Variants in TTC34 observed in about 807,000 individuals in gnomAD.
The protein encoded by TTC34 is tetratricopeptide repeat domain 34.
Under a neutral mutation model 40.7 loss-of-function variants are expected in TTC34, and 44 were observed. That is an observed-to-expected ratio of 1.08 (90% CI 0.85 to 1.39). The LOEUF is 1.39. Among genes scored for constraint, TTC34 ranks in the 40% most tolerant of loss-of-function variants. TTC34 has a pLI of 0.00. For synonymous variants in TTC34, 422 were observed against 398.6 expected (o/e 1.06, Z -0.70); for missense variants, 884 against 838.0 (o/e 1.05, Z -0.68).
At chr1:2,799,695 G>A (rs1292625201) in intron 2 of TTC34, among the ~76,000 whole-genome samples, 1 of 152,018 alleles carries the variant, frequency 6.6e-6, no homozygotes, top group Non-Finnish European at 1.5e-5. Context: ...TCCGACAGTC[G>A]CCCTGGCCCC....
At chr1:2,685,322 C>A (rs577623748) in intron 6 of TTC34, among the ~76,000 whole-genome samples, 1 of 128,768 alleles carries the variant, frequency 7.8e-6, no homozygotes, top group South Asian at 2.5e-4. Context: ...CACACACCCA[C>A]AAGCGAGCAT....
chr1:2,674,763 C>G (rs1570786584), intron 6 of TTC34, among the ~76,000 whole-genome samples: 1 of 86,934 alleles, frequency 1.2e-5, no homozygotes, highest in Non-Finnish European at 2.6e-5. Flanking sequence ...AACCACACTC[C>G]CAGGCGAGCA....
intron 6 of TTC34, among the ~76,000 whole-genome samples, chr1:2,753,499 C>T (rs1641395998): frequency 9.7e-6 from 1 of 102,742 alleles, no homozygotes; most frequent in Non-Finnish European, 1.8e-5. Flanking sequence ...ACCCACACCC[C>T]CAGGCGAGCA....
At chr1:2,750,558 C>A (rs1641282067) in intron 6 of TTC34, among the ~76,000 whole-genome samples, 1 of 152,120 alleles carries the variant, frequency 6.6e-6, no homozygotes, top group Non-Finnish European at 1.5e-5. Context: ...TGGGGCAGCA[C>A]CCACACCCCC....
chr1:2,773,730 A>G (rs1457989556), intron 6 of TTC34: 2 of 112,152 alleles, frequency 1.8e-5, no homozygotes, highest in African/African-American at 3.9e-5. Context: ...CTGGAACAGC[A>G]TCTACAGCCC....
intron 8 of TTC34, among the ~76,000 whole-genome samples, chr1:2,643,233 G>C (rs1638949645): frequency 6.6e-6 from 1 of 152,234 alleles, no homozygotes; most frequent in African/African-American, 2.4e-5. Context: ...CGCCTGCCGA[G>C]GGGCGGGGCG....
intron 6 of TTC34, among the ~76,000 whole-genome samples, chr1:2,691,582 T>A (rs1343836006): frequency 9.8e-5 from 6 of 61,482 alleles, no homozygotes; most frequent in South Asian, 1.0e-3. Context: ...AGCACCCACA[T>A]GCCCAGGTGA....
Position 2,751,348 on chromosome 1 carries a change from C to T in TTC34, c.2226+32261G>A, listed in dbSNP as rs1232649816. 2.0e-3 allele frequency among the ~76,000 whole-genome samples: 296 copies of T among 146,824 alleles called. 28 individuals carry two copies. Among genetic ancestry groups the T allele is most frequent in the African/African-American group, 7.3e-3 (284 of 38,826 alleles). ...ACACCCCCAGGCGAGCATCTGACAG[C>T]CTGGGTCGGCACCCACACCCCCAGG... On this transcript the variant is annotated intron_variant, in intron 6 of 8. Coordinates refer to ENST00000401095, the Ensembl canonical transcript of TTC34.
chr1:2,772,938 C>G (rs1642491932), intron 6 of TTC34, among the ~76,000 whole-genome samples: 1 of 141,018 alleles, frequency 7.1e-6, no homozygotes, highest in African/African-American at 2.5e-5. Context: ...GCACCCATAC[C>G]CCCAGGCGAG....
rs1350755308 is a variant in TTC34, at chr1:2,772,882, G to C, written c.2226+10727C>G. ...CCCTAGATGAGCATCTGACAGCCTG[G>C]AGCAGAACCCCACACCCCCAGGTGA... On this transcript the variant is annotated intron_variant, in intron 6 of 8. Transcript: ENST00000401095. Among the ~76,000 whole-genome samples the C allele has an allele frequency of 5.7e-5, 6 of 105,416 alleles. No homozygotes were observed. The Admixed American group carries it at 5.7e-4, about 10-fold the overall frequency. The allele number at this position is 105,416 out of a possible 152,430, so 69.2% of individuals were successfully genotyped here. A position where few individuals can be genotyped will look rare whatever the true frequency, so the allele number is the denominator to read the frequency against.
chr1:2,651,430 C>T (rs763621118), intron 6 of TTC34, among the ~76,000 whole-genome samples: 10 of 151,928 alleles, frequency 6.6e-5, no homozygotes, highest in Non-Finnish European at 1.5e-4. Context: ...GAAACACAAC[C>T]CCACACACGC....
At chr1:2,791,401 A>C (rs945321961) in intron 2 of TTC34, among the ~76,000 whole-genome samples, 2 of 152,172 alleles carry the variant, frequency 1.3e-5, no homozygotes, top group Non-Finnish European at 1.5e-5. Context: ...CTCCTTCAGA[A>C]TTTTCAAACA....
exon 9 of TTC34, chr1:2,641,634 C>G: frequency 6.5e-7 from 1 of 1,535,116 alleles, no homozygotes; most frequent in Non-Finnish European, 8.7e-7. Flanking sequence ...GCCGCCTCAT[C>G]CCCCAGGCTC....
intron 6 of TTC34, among the ~76,000 whole-genome samples, chr1:2,657,463 C>A (rs1639390747): frequency 1.1e-5 from 1 of 90,898 alleles, no homozygotes; most frequent in Non-Finnish European, 2.8e-5. Context: ...ACCCACGCCC[C>A]CAGGCGAGCA....
At chr1:2,768,638 C>G (rs1211920224) in intron 6 of TTC34, among the ~76,000 whole-genome samples, 1 of 151,878 alleles carries the variant, frequency 6.6e-6, no homozygotes, top group East Asian at 1.9e-4. Flanking sequence ...GAGCATCCGA[C>G]AGCCTGGAAC....
chr1:2,648,162 T>A (rs1639057063), intron 6 of TTC34, among the ~76,000 whole-genome samples: 1 of 144,480 alleles, frequency 6.9e-6, no homozygotes, highest in Non-Finnish European at 1.5e-5. Flanking sequence ...ATGAAGTACT[T>A]CTTCTCTTAT....
chr1:2,644,130 C>T lies in TTC34; in HGVS notation c.2712+134G>A, dbSNP rs140855582. ...TGGGCCAGAAGTGGGTGCCTCCCAC[C>T]CCACCCCAAACCTAACTGAAATCAA... On this transcript the variant is annotated intron_variant, in intron 8 of 8. Transcript: ENST00000401095. 2,238 of 974,762 alleles carry T rather than the reference C, an allele frequency of 2.3e-3. 50 individuals carry two copies. In the African/African-American group the frequency reaches 0.033, roughly 14 times the overall value. The allele number at this position is 974,762 out of a possible 1,614,324, so 60.4% of individuals were successfully genotyped here.
At chr1:2,767,909 C>T (rs1240064543) in intron 6 of TTC34, among the ~76,000 whole-genome samples, 2 of 149,672 alleles carry the variant, frequency 1.3e-5, no homozygotes, top group African/African-American at 2.5e-5. Flanking sequence ...CATCTGACAA[C>T]CAGAACCTGC....
intron 5 of TTC34, among the ~76,000 whole-genome samples, chr1:2,785,486 G>C (rs1001721284): frequency 2.0e-5 from 3 of 152,164 alleles, no homozygotes; most frequent in Non-Finnish European, 4.4e-5. Flanking sequence ...GAGGGGAGCA[G>C]GGACCTCGCC....
Sources: gnomAD v4.1 joint callset for allele counts (sites outside exome capture counted in the v4.1 genomes callset) on GRCh38, gnomAD v4.1.1 for gene constraint, MANE v1.5 for transcripts, NCBI Gene and HGNC (gene_info 2026-07-23, HGNC 2026-07-21) for gene names.